Variants in ZNF431 observed in about 807,000 individuals in gnomAD.
ZNF431 encodes the protein zinc finger protein 431.
In ZNF431, 34 loss-of-function variants were observed where a neutral mutation model predicts 57.0. The observed-to-expected ratio is 0.60, with a 90% CI of 0.45 to 0.79. ZNF431 has a LOEUF of 0.79. ZNF431 is among the 30% of genes least tolerant of loss of function. The pLI, the probability that ZNF431 is intolerant of heterozygous loss-of-function variation, is 0.00. For synonymous variants in ZNF431, 207 were observed against 220.3 expected, an observed-to-expected ratio of 0.94 and a Z score of 0.54; for missense variants, 607 against 667.1, an observed-to-expected ratio of 0.91 and a Z score of 0.99.
intron 2 of ZNF431, among the ~76,000 whole-genome samples, chr19:21,156,392 G>A (rs1468142170): frequency 2.0e-5 from 3 of 152,026 alleles, no homozygotes; most frequent in Non-Finnish European, 4.4e-5. Flanking sequence ...TTTCTTTTTG[G>A]TTAAGGGGTC....
At position 21,172,890 on chromosome 19, in the gene ZNF431, A is replaced by G. The variant is rs572385487; in HGVS notation, c.319+5224A>G. Among the ~76,000 whole-genome samples, 13 of 152,264 alleles carry G rather than the reference A, an allele frequency of 8.5e-5. No individual in the cohort carries two copies. In the South Asian group the frequency reaches 2.7e-3, roughly 32 times the overall value. The stretch of plus-strand genomic sequence containing the variant: ...TTCACATGTTGTGAAACTAAAACCC[A>G]ATATCCATTTAAGTGACAAGATGCC... On this transcript the variant is annotated intron_variant, in intron 4 of 4. Transcript: ENST00000311048.
At chr19:21,146,284 C>T (rs1412022012) in intron 2 of ZNF431, among the ~76,000 whole-genome samples, 2 of 151,954 alleles carry the variant, frequency 1.3e-5, no homozygotes, top group African/African-American at 2.4e-5. Flanking sequence ...GTGGTGCACA[C>T]CTGTAATCCC....
chr19:21,147,605 GAA>G (rs71176821), intron 2 of ZNF431, among the ~76,000 whole-genome samples: 88,049 of 147,162 alleles, frequency 0.6, 26,398 homozygotes, highest in Middle Eastern at 0.79. Flanking sequence ...CAGTCACAGT[GAA>G]AAAAAAAAAA....
At chr19:21,167,945 G>A (rs944990187) in intron 4 of ZNF431, among the ~76,000 whole-genome samples, 1 of 152,098 alleles carries the variant, frequency 6.6e-6, no homozygotes, top group Non-Finnish European at 1.5e-5. Flanking sequence ...AGACTGTCAT[G>A]GCATATAATC....
At chr19:21,179,322 A>G (rs1425308034) in intron 4 of ZNF431, among the ~76,000 whole-genome samples, 1 of 151,950 alleles carries the variant, frequency 6.6e-6, no homozygotes, top group Non-Finnish European at 1.5e-5. Context: ...TCCTGGATTC[A>G]TTGAGTTTTT....
chr19:21,159,622 C>T (rs949042384), intron 2 of ZNF431, among the ~76,000 whole-genome samples: 2 of 152,148 alleles, frequency 1.3e-5, no homozygotes, highest in African/African-American at 4.8e-5. Context: ...CTGCCCACCT[C>T]AGCCTTTCAA....
At chr19:21,156,034 A>G (rs1047628821) in intron 2 of ZNF431, among the ~76,000 whole-genome samples, 2 of 152,226 alleles carry the variant, frequency 1.3e-5, no homozygotes, top group East Asian at 1.9e-4. Context: ...CCCACACCCA[A>G]ATATGCCCAC....
chr19:21,152,745 C>T (rs1413165426), intron 2 of ZNF431, among the ~76,000 whole-genome samples: 1 of 152,122 alleles, frequency 6.6e-6, no homozygotes, highest in Non-Finnish European at 1.5e-5. Context: ...ATCCTTTACT[C>T]AGGCATATGC....
chr19:21,157,238 A>G (rs1051653649), intron 2 of ZNF431, among the ~76,000 whole-genome samples: 11 of 152,270 alleles, frequency 7.2e-5, no homozygotes, highest in Admixed American at 7.2e-4. Context: ...CCTGGGTTCA[A>G]GCAATTCTCC....
rs769185236 is a variant in ZNF431 at position 21,143,693 on chromosome 19, TC to T, written c.96+51del. On this transcript the variant is annotated intron_variant, in intron 2 of 4. Coordinates refer to ENST00000311048, the MANE Select transcript of ZNF431 (RefSeq NM_133473.4). The stretch of plus-strand genomic sequence containing the variant: ...GTCTACGCCCAACCCAGCTTTCATT[TC>T]TTGGGGACACATTGCTGGTCAGCCA... 1.3e-5 allele frequency: 18 copies of T among 1,408,898 alleles called. No homozygotes were observed. In the East Asian group the frequency reaches 3.9e-4, roughly 30 times the overall value. 87.3% of individuals were successfully genotyped at this position (1,408,898 alleles called of 1,614,324 possible).
intron 2 of ZNF431, among the ~76,000 whole-genome samples, chr19:21,157,855 T>A (rs538757878): frequency 3.3e-4 from 50 of 151,936 alleles, no homozygotes; most frequent in African/African-American, 1.2e-3. Flanking sequence ...TGAATTTTTT[T>A]TTTTTTTTTG....
In ZNF431 at chr19:21,184,893, C is replaced by T. The variant is rs1261716862; in HGVS notation, c.*859C>T. 6.6e-6 allele frequency: 1 copy of T among 152,040 alleles called. No homozygotes were observed. The highest frequency in any genetic ancestry group is 2.4e-5 in the African/African-American group (1 of 41,400). The allele number at this position is 152,040 out of a possible 1,614,324, so 9.4% of individuals were successfully genotyped here. ...CACAAATATAAAAAGGGTTGTAGTGCCTTTACTTGTATCACAGATCTTTTT... is the reference window on the plus strand; with the variant it reads ...CACAAATATAAAAAGGGTTGTAGTGTCTTTACTTGTATCACAGATCTTTTT... On this transcript the variant is annotated 3_prime_UTR_variant, in exon 5 of 5. Transcript: ENST00000311048.
Position 21,171,275 on chromosome 19 carries a change from C to T in ZNF431, c.319+3609C>T, listed in dbSNP as rs1166881954. On this transcript the variant is annotated intron_variant, in intron 4 of 4. Coordinates refer to ENST00000311048, the MANE Select transcript of ZNF431 (RefSeq NM_133473.4). ...TACCTGCCTTCCCTGAGTACACAGT[C>T]AACTATTGTAGTTATCTAGACAATT... 2.0e-5 allele frequency among the ~76,000 whole-genome samples: 3 copies of T among 148,470 alleles called. No homozygotes were observed. The East Asian group carries it at 6.0e-4, about 30-fold the overall frequency.
At chr19:21,173,984 C>CAA (rs1424815703) in intron 4 of ZNF431, among the ~76,000 whole-genome samples, 1 of 150,344 alleles carries the variant, frequency 6.7e-6, no homozygotes, top group East Asian at 2.0e-4. Context: ...CTCACTCTCT[C>CAA]ACCCAGGCTG....
Position 21,192,563 on chromosome 19 carries a change from C to T in ZNF431, c.*8529C>T, listed in dbSNP as rs1328975555. 1 of 149,914 alleles carries T rather than the reference C, an allele frequency of 6.7e-6. No individual in the cohort carries two copies. The highest frequency in any genetic ancestry group is 1.5e-5 in the Non-Finnish European group (1 of 67,776). The allele number at this position is 149,914 out of a possible 1,614,324, so 9.3% of individuals were successfully genotyped here. On this transcript the variant is annotated 3_prime_UTR_variant, in exon 5 of 5. Coordinates refer to ENST00000311048, the MANE Select transcript of ZNF431 (RefSeq NM_133473.4). ...AAATTATACAGGAATAATTCCTTTT[C>T]CTCAATTTGGATGCCTTTGATTTTT... is the stretch of plus-strand genomic sequence containing the variant.
intron 2 of ZNF431, chr19:21,149,915 C>T (rs1052240707): frequency 1.6e-6 from 1 of 616,648 alleles, no homozygotes; most frequent in East Asian, 3.4e-5. Context: ...AGGGACTCCC[C>T]TTTTATGACA....
intron 4 of ZNF431, among the ~76,000 whole-genome samples, chr19:21,178,888 G>T (rs1419506863): frequency 6.6e-6 from 1 of 151,864 alleles, no homozygotes; most frequent in Non-Finnish European, 1.5e-5. Flanking sequence ...TGGCCTCATA[G>T]AATGAGTTAA....
At position 21,170,941 on chromosome 19, in the gene ZNF431, G is replaced by A. The variant is rs565043644; in HGVS notation, c.319+3275G>A. Among the ~76,000 whole-genome samples the A allele has an allele frequency of 5.1e-4, 78 of 152,254 alleles. 1 individual carries two copies. The highest frequency in any genetic ancestry group is 1.7e-3 in the African/African-American group (70 of 41,556). On this transcript the variant is annotated intron_variant, in intron 4 of 4. Transcript: ENST00000311048. ...ACCTGCCTCGGCCTCCCAGATTGCT[G>A]GGATTACAGGCGTGAGCCATTGTGC...
rs1031794107 is a variant in ZNF431 at position 21,192,256 on chromosome 19, C to T, written c.*8222C>T. The T allele has an allele frequency of 6.6e-6, 1 of 152,168 alleles. No individual in the cohort carries two copies. The highest frequency in any genetic ancestry group is 2.4e-5 in the African/African-American group (1 of 41,432). 9.4% of individuals were successfully genotyped at this position (152,168 alleles called of 1,614,324 possible). A position where few individuals can be genotyped will look rare whatever the true frequency, so the allele number is the denominator to read the frequency against. On this transcript the variant is annotated 3_prime_UTR_variant, in exon 5 of 5. Coordinates refer to ENST00000311048, the MANE Select transcript of ZNF431 (RefSeq NM_133473.4). The stretch of plus-strand genomic sequence containing the variant: ...CGATCTTGGCTCACTGCAACCTCTG[C>T]CTCCCTGGCTGAAGCGGTTCTCCTG...
Sources: gnomAD v4.1 joint callset for allele counts (sites outside exome capture counted in the v4.1 genomes callset) on GRCh38, gnomAD v4.1.1 for gene constraint, MANE v1.5 for transcripts, NCBI Gene and HGNC (gene_info 2026-07-23, HGNC 2026-07-21) for gene names.